GRM8: variants seen among roughly 807,000 people sequenced by gnomAD.
GRM8 encodes metabotropic glutamate receptor 8.
Under a neutral mutation model 87.2 loss-of-function variants are expected in GRM8, and 47 were observed. The observed-to-expected ratio is 0.54, with a 90% CI of 0.43 to 0.69. GRM8 has a LOEUF of 0.69. Ranked by LOEUF, GRM8 falls within the 30% of genes least tolerant of loss-of-function variation. GRM8 has a pLI of 0.00. For synonymous variants in GRM8, 396 were observed against 404.5 expected, an observed-to-expected ratio of 0.98 and a Z score of 0.25; for missense variants, 1,019 against 1,139.2, an observed-to-expected ratio of 0.89 and a Z score of 1.52.
At chr7:127,042,603 A>C (rs1029352658) in intron 3 of GRM8, among the ~76,000 whole-genome samples, 2 of 152,248 alleles carry the variant, frequency 1.3e-5, no homozygotes, top group African/African-American at 4.8e-5. Flanking sequence ...ACCTTATACA[A>C]AAATTAATTC....
chr7:126,452,535 T>C (rs1478257172), intron 9 of GRM8, among the ~76,000 whole-genome samples: 1 of 150,360 alleles, frequency 6.7e-6, no homozygotes, highest in Non-Finnish European at 1.5e-5. Flanking sequence ...TTAAGGAATA[T>C]AACTCATGTA....
At chr7:126,612,863 T>C (rs1449909792) in intron 7 of GRM8, among the ~76,000 whole-genome samples, 1 of 152,248 alleles carries the variant, frequency 6.6e-6, no homozygotes, top group Non-Finnish European at 1.5e-5. Context: ...TTCTGTCATC[T>C]TTTATATTCA....
intron 6 of GRM8, chr7:126,869,732 G>A (rs1482595897): frequency 6.6e-6 from 1 of 152,058 alleles, no homozygotes; most frequent in Non-Finnish European, 1.5e-5. Context: ...GTAAGCAGAT[G>A]TGCTGTCATC....
chr7:127,024,644 C>T (rs1424902307), intron 3 of GRM8, among the ~76,000 whole-genome samples: 2 of 152,034 alleles, frequency 1.3e-5, no homozygotes, highest in Non-Finnish European at 2.9e-5. Context: ...TTTCCTGTGG[C>T]CCACAAGGTC....
chr7:126,499,517 G>A (rs1809317296), intron 9 of GRM8, among the ~76,000 whole-genome samples: 2 of 151,662 alleles, frequency 1.3e-5, no homozygotes, highest in East Asian at 1.9e-4. Flanking sequence ...CTGCACTCCC[G>A]TGTTCATTAA....
intron 9 of GRM8, among the ~76,000 whole-genome samples, chr7:126,532,056 T>G (rs1403911908): frequency 1.3e-5 from 2 of 152,226 alleles, no homozygotes; most frequent in Non-Finnish European, 2.9e-5. Context: ...TTTATCTCCA[T>G]CCCACTACCC....
chr7:127,009,645 T>C (rs1289107186), intron 3 of GRM8, among the ~76,000 whole-genome samples: 5 of 152,154 alleles, frequency 3.3e-5, no homozygotes, highest in Non-Finnish European at 7.4e-5. Flanking sequence ...CAGAAAATTT[T>C]TACTTTATCA....
chr7:126,829,550 G>T (rs373764562), intron 6 of GRM8, among the ~76,000 whole-genome samples: 61 of 134,306 alleles, frequency 4.5e-4, no homozygotes, highest in South Asian at 7.4e-4. Context: ...TTTTCCATTT[G>T]CTTGGTAGAT....
At chr7:126,586,699 A>C (rs1327961852) in intron 8 of GRM8, among the ~76,000 whole-genome samples, 1 of 152,210 alleles carries the variant, frequency 6.6e-6, no homozygotes, top group East Asian at 1.9e-4. Context: ...ATTAAAGGTT[A>C]AATGTTAGAC....
intron 7 of GRM8, among the ~76,000 whole-genome samples, chr7:126,761,697 C>G (rs537313517): frequency 1.3e-5 from 2 of 152,202 alleles, no homozygotes; most frequent in African/African-American, 4.8e-5. Context: ...GCTCATCTTA[C>G]TGTCTCATCA....
At chr7:127,240,998 C>A (rs1002667467) in intron 2 of GRM8, among the ~76,000 whole-genome samples, 9 of 152,212 alleles carry the variant, frequency 5.9e-5, no homozygotes, top group Admixed American at 3.9e-4. Context: ...GTCCTTCTCA[C>A]TGTCAAGAGG....
intron 6 of GRM8, among the ~76,000 whole-genome samples, chr7:126,810,725 C>G (rs988461527): frequency 2.0e-5 from 3 of 152,144 alleles, no homozygotes; most frequent in African/African-American, 7.2e-5. Context: ...TTACAATTAT[C>G]TTACCTAAGT....
intron 9 of GRM8, 149 bp downstream of exon 9, chr7:126,532,803 A>G (rs1815058914): frequency 6.4e-6 from 1 of 156,294 alleles, no homozygotes; most frequent in African/African-American, 3.3e-5. Context: ...ATATATATAT[A>G]TATATATATA....
At chr7:126,853,857 C>A (rs1797446739) in intron 6 of GRM8, among the ~76,000 whole-genome samples, 1 of 152,076 alleles carries the variant, frequency 6.6e-6, no homozygotes, top group Non-Finnish European at 1.5e-5. Context: ...TTGCTTTCTC[C>A]CAGTTATAAA....
chr7:126,483,171 A>ACTTC (rs952086412), intron 9 of GRM8, among the ~76,000 whole-genome samples: 2 of 148,040 alleles, frequency 1.4e-5, no homozygotes, highest in Non-Finnish European at 3.0e-5. Flanking sequence ...CTTTCCTTCA[A>ACTTC]CTTCCTTCCT....
chr7:126,793,305 A>G (rs148152486), intron 6 of GRM8, among the ~76,000 whole-genome samples: 304 of 152,298 alleles, frequency 2.0e-3, no homozygotes, highest in African/African-American at 7.2e-3. Context: ...GTTTGCTGTA[A>G]TAAGAGAAGG....
At chr7:126,628,710 G>T (rs967741100) in intron 7 of GRM8, among the ~76,000 whole-genome samples, 11 of 152,322 alleles carry the variant, frequency 7.2e-5, no homozygotes, top group African/African-American at 2.4e-4. Context: ...GGAGGAATGA[G>T]AATGGGTTGG....
At chr7:127,026,070 C>T (rs1011981034) in intron 3 of GRM8, among the ~76,000 whole-genome samples, 2 of 151,994 alleles carry the variant, frequency 1.3e-5, no homozygotes, top group African/African-American at 4.8e-5. Context: ...TCTCATTGTT[C>T]AACTCCCAGT....
At chr7:127,075,039 C>T (rs1161828435) in intron 3 of GRM8, among the ~76,000 whole-genome samples, 1 of 152,178 alleles carries the variant, frequency 6.6e-6, no homozygotes, top group Non-Finnish European at 1.5e-5. Context: ...AGGTGTGTTT[C>T]CTTCCTATAG....
Sources: allele counts gnomAD v4.1 joint callset (sites outside exome capture counted in the v4.1 genomes callset), GRCh38; gene constraint gnomAD v4.1.1; transcripts MANE v1.5; gene names NCBI Gene and HGNC (gene_info 2026-07-23, HGNC 2026-07-21).